The following DOCK8 variants were observed in gnomAD, a reference collection of about 807,000 sequenced individuals.
DOCK8 encodes dedicator of cytokinesis 8, also known as dedicator of cytokinesis protein 8.
In DOCK8, 141 loss-of-function variants were observed where a neutral mutation model predicts 245.6. That is an observed-to-expected ratio of 0.57 (90% CI 0.50 to 0.66). The LOEUF is 0.66. Among genes scored for constraint, DOCK8 ranks in the 30% least tolerant of loss-of-function variants. DOCK8 has a pLI of 0.00. For synonymous variants in DOCK8, 1,168 were observed against 970.2 expected (o/e 1.20, Z -3.79); for missense variants, 2,965 against 2,603.4 (o/e 1.14, Z -3.02).
At chr9:236,313 C>G (rs1164102035) in intron 1 of DOCK8, among the ~76,000 whole-genome samples, 2 of 152,210 alleles carry the variant, frequency 1.3e-5, no homozygotes, top group African/African-American at 4.8e-5. Context: ...CTTCTAGAAG[C>G]TCACAGAATT....
intron 21 of DOCK8, chr9:381,255 C>T (rs573904393): frequency 6.6e-6 from 1 of 152,272 alleles, no homozygotes; most frequent in South Asian, 2.1e-4. Flanking sequence ...CTTATTTTGT[C>T]TGCCCATTTG....
chr9:390,260 C>T (rs1413936020), intron 23 of DOCK8, among the ~76,000 whole-genome samples: 4 of 152,146 alleles, frequency 2.6e-5, no homozygotes, highest in Non-Finnish European at 4.4e-5. Flanking sequence ...GCAGCACTGA[C>T]CCCAGCCTTC....
At chr9:434,545 A>G (rs779907136) in intron 38 of DOCK8, among the ~76,000 whole-genome samples, 6 of 152,146 alleles carry the variant, frequency 3.9e-5, no homozygotes, top group Non-Finnish European at 8.8e-5. Flanking sequence ...TTTTTTCCCC[A>G]TAAGGCTTTT....
intron 14 of DOCK8, among the ~76,000 whole-genome samples, chr9:354,366 T>C (rs1025574135): frequency 2.0e-5 from 3 of 152,158 alleles, no homozygotes. Flanking sequence ...GGAGGTCCAA[T>C]TGAGGCAGAA....
chr9:439,201 T>C (rs762077516), intron 39 of DOCK8, 44 bp from the exon 40 acceptor site: 2 of 1,613,844 alleles, frequency 1.2e-6, no homozygotes, highest in Admixed American at 1.7e-5. Flanking sequence ...CTCTTACTAG[T>C]CTGGTCGCCC....
At chr9:385,911 A>G (rs1166033707) in intron 22 of DOCK8, among the ~76,000 whole-genome samples, 1 of 152,202 alleles carries the variant, frequency 6.6e-6, no homozygotes, top group African/African-American at 2.4e-5. Context: ...CTGATAGAGC[A>G]TGAGCACTCC....
intron 5 of DOCK8, 145 bp from the exon 6 acceptor site, chr9:311,809 A>G (rs1419807526): frequency 7.8e-5 from 77 of 992,804 alleles, no homozygotes; most frequent in Non-Finnish European, 1.2e-4. Context: ...CATTCTTATC[A>G]AATCCGCAGT....
At position 325,749 on chromosome 9, in the gene DOCK8, A is replaced by G; in HGVS notation, c.894+12A>G. ...AAGAAAGGAAAAAGGTAAGAAAGCA[A>G]AGAAAAATCCATCCCTAAGGCACAT... On this transcript the variant is annotated intron_variant, in intron 8 of 47. Coordinates refer to ENST00000432829, the MANE Select transcript of DOCK8 (RefSeq NM_203447.4). The G allele has an allele frequency of 6.2e-7, 1 of 1,610,986 alleles. No homozygotes were observed. Among genetic ancestry groups the G allele is most frequent in the African/African-American group, 1.3e-5 (1 of 75,002 alleles).
chr9:356,083 A>T (rs2052428194), intron 14 of DOCK8, among the ~76,000 whole-genome samples: 1 of 152,220 alleles, frequency 6.6e-6, no homozygotes, highest in Admixed American at 6.5e-5. Context: ...CTATACAGAA[A>T]CCACAAGACA....
At chr9:462,496 T>C (rs1312792762) in intron 46 of DOCK8, among the ~76,000 whole-genome samples, 2 of 152,236 alleles carry the variant, frequency 1.3e-5, no homozygotes, top group Admixed American at 6.5e-5. Context: ...CTCTGGACGA[T>C]ATGCAGGTGG....
At chr9:214,027 G>A (rs1211744744), upstream of DOCK8, 4 of 154,316 alleles carry the variant, frequency 2.6e-5, no homozygotes, top group Non-Finnish European at 5.8e-5. Flanking sequence ...CGCCCGGCCT[G>A]CTTTGGTATT....
chr9:216,567 GC>G (rs2046759657), intron 1 of DOCK8, among the ~76,000 whole-genome samples: 1 of 121,126 alleles, frequency 8.3e-6, no homozygotes, highest in Admixed American at 8.0e-5. Flanking sequence ...CAAAAACAAG[GC>G]ATGAAGTATA....
chr9:225,358 C>T (rs970732125), intron 1 of DOCK8, among the ~76,000 whole-genome samples: 2 of 152,108 alleles, frequency 1.3e-5, no homozygotes, highest in African/African-American at 4.8e-5. Flanking sequence ...ACAGATGAAA[C>T]AAACCTGGTG....
At chr9:215,480 T>G in intron 1 of DOCK8, 1 of 1,473,592 alleles carries the variant, frequency 6.8e-7, no homozygotes, top group Non-Finnish European at 9.0e-7. Context: ...TGAGGCAGGC[T>G]GCAAGCCTTC....
At chr9:400,023 C>T (rs1374376192) in intron 26 of DOCK8, among the ~76,000 whole-genome samples, 5 of 125,384 alleles carry the variant, frequency 4.0e-5, no homozygotes, top group African/African-American at 1.1e-4. Flanking sequence ...TCACCACCAC[C>T]TCCACCATCA....
At chr9:278,572 A>C (rs902363847) in intron 2 of DOCK8, among the ~76,000 whole-genome samples, 1 of 152,220 alleles carries the variant, frequency 6.6e-6, no homozygotes, top group African/African-American at 2.4e-5. Flanking sequence ...TTGAAGAATG[A>C]AATCGTGACC....
chr9:435,049 C>T, intron 39 of DOCK8, 74 bp downstream of exon 39: 2 of 1,559,734 alleles, frequency 1.3e-6, no homozygotes, highest in Non-Finnish European at 1.7e-6. Flanking sequence ...GCCCCAGGGA[C>T]ATTTGGCAAT....
intron 14 of DOCK8, among the ~76,000 whole-genome samples, chr9:364,430 C>A (rs1291059222): frequency 6.6e-6 from 1 of 152,060 alleles, no homozygotes; most frequent in Non-Finnish European, 1.5e-5. Flanking sequence ...GCCAGGAGTT[C>A]AAGACCAGCC....
chr9:328,479 C>A (rs760429711), intron 9 of DOCK8, among the ~76,000 whole-genome samples: 16 of 152,316 alleles, frequency 1.1e-4, no homozygotes, highest in Non-Finnish European at 2.4e-4. Flanking sequence ...GATAATCACA[C>A]TGACCTCAGT....
Sources: allele counts gnomAD v4.1 joint callset (sites outside exome capture counted in the v4.1 genomes callset), GRCh38; gene constraint gnomAD v4.1.1; transcripts MANE v1.5; gene names NCBI Gene and HGNC (gene_info 2026-07-23, HGNC 2026-07-21).